Variants in IRF4 observed in about 807,000 individuals in gnomAD.
IRF4 encodes the protein lymphocyte-specific interferon regulatory factor.
Under a neutral mutation model 55.5 loss-of-function variants are expected in IRF4, and 13 were observed. That is an observed-to-expected ratio of 0.23 (90% CI 0.15 to 0.37). The LOEUF is 0.37. Ranked by LOEUF, IRF4 falls within the 10% of genes least tolerant of loss-of-function variation. The pLI, the probability that IRF4 is intolerant of heterozygous loss-of-function variation, is 1.00. For missense variants in IRF4, 397 were observed against 593.8 expected (o/e 0.67, Z 3.44); for synonymous variants, 249 against 240.7 (o/e 1.03, Z -0.32).
At chr6:391,972 C>T (rs1253876948) in intron 1 of IRF4, 163 bp downstream of exon 1, 5 of 406,026 alleles carry the variant, frequency 1.2e-5, no homozygotes, top group Non-Finnish European at 2.5e-5. Flanking sequence ...ACCCCATCTG[C>T]GCTGAGCCGG....
intron 8 of IRF4, 98 bp downstream of exon 8, chr6:405,228 A>G (rs1419178449): frequency 1.4e-6 from 1 of 710,140 alleles, no homozygotes; most frequent in Non-Finnish European, 2.4e-6. Context: ...TAAATGTCAA[A>G]TGACCTGGAA....
chr6:408,045 T>C lies in IRF4; in HGVS notation c.*447T>C, dbSNP rs545215784. 1.3e-4 allele frequency: 35 copies of C among 261,462 alleles called. No individual in the cohort carries two copies. The highest frequency in any genetic ancestry group is 6.8e-4 in the African/African-American group (31 of 45,606). The allele number at this position is 261,462 out of a possible 1,614,324, so 16.2% of individuals were successfully genotyped here. A position where few individuals can be genotyped will look rare whatever the true frequency, so the allele number is the denominator to read the frequency against. On this transcript the variant is annotated 3_prime_UTR_variant, in exon 9 of 9. Coordinates refer to ENST00000380956, the MANE Select transcript of IRF4 (RefSeq NM_002460.4). ...CCATCATTGATGATCACTGTGAAAA[T>C]TGACCAAGTGATGTGTTTACATTTA... is the stretch of plus-strand genomic sequence containing the variant.
In IRF4 at chr6:407,536, G is replaced by C; in HGVS notation, c.1294G>C (p.Glu432Gln). ...TTTCCTGAGGGGCTACGATTTACCA[G>C]AACACATCAGCAATCCAGAAGATTA... The part of the protein sequence containing the change: ...GHFLRGYDLP[E>Q]HISNPEDYHR... The change falls in exon 9 of 9, where the codon GAA becomes CAA. Residue 432 changes from glutamate to glutamine, a missense_variant. Physicochemically the swap from Glu to Gln is conservative, Grantham distance 29. This residue lies in a region of IRF4 where 341 missense variants were observed against 548.1 expected (regional missense o/e 0.62). Coordinates refer to ENST00000380956, the MANE Select transcript of IRF4 (RefSeq NM_002460.4). The C allele has an allele frequency of 6.2e-7, 1 of 1,612,686 alleles. No homozygotes were observed. Among genetic ancestry groups the C allele is most frequent in the Non-Finnish European group, 8.5e-7 (1 of 1,179,582 alleles).
intron 5 of IRF4, among the ~76,000 whole-genome samples, chr6:397,937 T>G (rs6900384): frequency 0.084 from 12,766 of 152,304 alleles, 581 homozygotes; most frequent in African/African-American, 0.12. Context: ...ACCCTTTGGA[T>G]GTTTTAGGAA....
intron 7 of IRF4, among the ~76,000 whole-genome samples, chr6:404,077 A>G (rs1055748900): frequency 3.3e-5 from 5 of 152,154 alleles, no homozygotes. Context: ...AGCACTAGGG[A>G]CAGCCCCCAG....
At position 395,775 on chromosome 6, in the gene IRF4, C is replaced by A. The variant is rs904348917; in HGVS notation, c.404-72C>A. The A allele has an allele frequency of 3.6e-6, 4 of 1,110,620 alleles. No homozygotes were observed. In the South Asian group the frequency reaches 4.1e-5, roughly 11 times the overall value. 68.8% of individuals were successfully genotyped at this position (1,110,620 alleles called of 1,614,324 possible). On this transcript the variant is annotated intron_variant, in intron 3 of 8. Transcript: ENST00000380956. ...AGAATTAAATGCTCAGGTATTTTTA[C>A]AAGATTTGACATTTAGTTAGGTCAG... is the stretch of plus-strand genomic sequence containing the variant.
rs1761660897 is a variant in IRF4 at position 410,154 on chromosome 6, G to A, written c.*2556G>A. 1 of 229,058 alleles carries A rather than the reference G, an allele frequency of 4.4e-6. No homozygotes were observed. The allele number at this position is 229,058 out of a possible 1,614,324, so 14.2% of individuals were successfully genotyped here. A position where few individuals can be genotyped will look rare whatever the true frequency, so the allele number is the denominator to read the frequency against. ...AGTGGAATTGGCAAACTAGAATTTA[G>A]TTTGTACTCAGTGGACAGTGCTGTT... On this transcript the variant is annotated 3_prime_UTR_variant, in exon 9 of 9. Transcript: ENST00000380956.
Position 410,852 on chromosome 6 carries a change from G to A in IRF4, c.*3254G>A. The A allele has an allele frequency of 4.3e-6, 1 of 232,514 alleles. No individual in the cohort carries two copies. The highest frequency in any genetic ancestry group is 6.0e-5 in the East Asian group (1 of 16,628). The allele number at this position is 232,514 out of a possible 1,614,324, so 14.4% of individuals were successfully genotyped here. On this transcript the variant is annotated 3_prime_UTR_variant, in exon 9 of 9. Coordinates refer to ENST00000380956, the MANE Select transcript of IRF4 (RefSeq NM_002460.4). ...AAGTCCTCTGTGGCCAGCTGCATCT[G>A]TCTGAATGGTGCGTGAAGGCTCTCA...
chr6:404,990 A>C, intron 7 of IRF4, 28 bp from the exon 8 acceptor site: 3 of 1,424,970 alleles, frequency 2.1e-6, no homozygotes, highest in Non-Finnish European at 3.0e-6. Context: ...GTTTCTGAAC[A>C]TGGTCTCTTT....
In IRF4 at chr6:395,837, A is replaced by G; in HGVS notation, c.404-10A>G. ...ACGTTGTGCCATTTCCCTTTTCCCC[A>G]AACATGTAGGAGCCAAGCAGCTCAC... is the stretch of plus-strand genomic sequence containing the variant. On this transcript the variant is annotated splice_polypyrimidine_tract_variant and intron_variant, in intron 3 of 8. Transcript: ENST00000380956. The G allele has an allele frequency of 6.2e-7, 1 of 1,610,736 alleles. No homozygotes were observed. Among genetic ancestry groups the G allele is most frequent in the Non-Finnish European group, 8.5e-7 (1 of 1,177,758 alleles).
chr6:393,091 C>A lies in IRF4; in HGVS notation c.-55-7C>A. ...TCGTGGCTGAAGGGCAGCTCTTCTC[C>A]CCGCAGTGCAGAGCAGAGCGGGCGG... On this transcript the variant is annotated splice_region_variant and splice_polypyrimidine_tract_variant and intron_variant, in intron 1 of 8. Transcript: ENST00000380956. The surrounding 1 kb of genome is among the most constrained non-coding windows in gnomAD (Gnocchi z 5.4). 1.4e-6 allele frequency: 2 copies of A among 1,439,834 alleles called. No homozygotes were observed. The highest frequency in any genetic ancestry group is 1.4e-5 in the African/African-American group (1 of 70,324). 89.2% of individuals were successfully genotyped at this position (1,439,834 alleles called of 1,614,324 possible). A position where few individuals can be genotyped will look rare whatever the true frequency, so the allele number is the denominator to read the frequency against.
rs185376510 is a variant in IRF4 at position 407,907 on chromosome 6, C to T, written c.*309C>T. On this transcript the variant is annotated 3_prime_UTR_variant, in exon 9 of 9. Transcript: ENST00000380956. ...TTCAGAAGTGGAGATTTCAGTTCAG[C>T]GGTTGAGGAGAATTGCGGCGAGACA... 23 of 330,446 alleles carry T rather than the reference C, an allele frequency of 7.0e-5. No homozygotes were observed. Among genetic ancestry groups the T allele is most frequent in the Admixed American group, 5.0e-4 (10 of 20,194 alleles). 20.5% of individuals were successfully genotyped at this position (330,446 alleles called of 1,614,324 possible).
chr6:396,597 G>A (rs6905821), intron 4 of IRF4, among the ~76,000 whole-genome samples: 3,644 of 76,998 alleles, frequency 0.047, 189 homozygotes, highest in African/African-American at 0.16. Flanking sequence ...CCCCCGTCTC[G>A]ATGCCAGTGC....
rs548005774 is a variant in IRF4 at position 394,278 on chromosome 6, G to A, written c.217-543G>A. ...GGTAGAGCCCCCTCAAGGAACCTCC[G>A]CATCTCACTCTACCGGTTATAAATA... On this transcript the variant is annotated intron_variant, in intron 2 of 8. Transcript: ENST00000380956. Among the ~76,000 whole-genome samples the A allele has an allele frequency of 3.3e-5, 5 of 152,236 alleles. No individual in the cohort carries two copies. In the East Asian group the frequency reaches 9.6e-4, roughly 29 times the overall value.
Position 392,996 on chromosome 6 carries a change from C to G in IRF4, c.-55-102C>G. On this transcript the variant is annotated intron_variant, in intron 1 of 8. Coordinates refer to ENST00000380956, the MANE Select transcript of IRF4 (RefSeq NM_002460.4). ...GACACGGCACGCGCGCGCTTCGCAGCCTCAAAGACTCCGGGGCCTCGTGGT... is the reference window on the plus strand; with the variant it reads ...GACACGGCACGCGCGCGCTTCGCAGGCTCAAAGACTCCGGGGCCTCGTGGT... 3 of 660,254 alleles carry G rather than the reference C, an allele frequency of 4.5e-6. No individual in the cohort carries two copies. The South Asian group carries it at 6.5e-5, about 14-fold the overall frequency. 40.9% of individuals were successfully genotyped at this position (660,254 alleles called of 1,614,324 possible). A position where few individuals can be genotyped will look rare whatever the true frequency, so the allele number is the denominator to read the frequency against.
intron 7 of IRF4, among the ~76,000 whole-genome samples, chr6:403,253 C>T (rs1010203712): frequency 1.3e-5 from 2 of 152,236 alleles, no homozygotes; most frequent in Non-Finnish European, 2.9e-5. Context: ...AATTGAAGGG[C>T]AACTGGGGGG....
chr6:394,386 G>C (rs1761202065), intron 2 of IRF4, among the ~76,000 whole-genome samples: 1 of 152,216 alleles, frequency 6.6e-6, no homozygotes, highest in African/African-American at 2.4e-5. Context: ...GGGTCTTTCA[G>C]TTTACGTTCT....
At chr6:401,847 A>G in intron 7 of IRF4, 70 bp downstream of exon 7, 1 of 1,414,416 alleles carries the variant, frequency 7.1e-7, no homozygotes, top group Non-Finnish European at 9.8e-7. Flanking sequence ...CAGAAACCAC[A>G]GGGTCCCTCC....
intron 8 of IRF4, chr6:406,688 G>A (rs1331765235): frequency 2.4e-5 from 15 of 634,378 alleles, no homozygotes; most frequent in South Asian, 1.7e-4. Flanking sequence ...ACGAGGCTGC[G>A]TGGTCCATAA....
Sources: allele counts gnomAD v4.1 joint callset (sites outside exome capture counted in the v4.1 genomes callset), GRCh38; gene constraint gnomAD v4.1.1; regional missense constraint gnomAD v4.1.1; non-coding constraint Gnocchi (gnomAD v3.1); transcripts MANE v1.5; gene names NCBI Gene and HGNC (gene_info 2026-07-23, HGNC 2026-07-21).